The following KCND3 variants were observed in gnomAD, a reference collection of about 807,000 sequenced individuals.
The protein encoded by KCND3 is potassium voltage-gated channel subfamily D member 3.
In KCND3, 9 loss-of-function variants were observed where a neutral mutation model predicts 51.1. The observed-to-expected ratio is 0.18, with a 90% CI of 0.11 to 0.31. The LOEUF is 0.31. KCND3 is among the 10% of genes least tolerant of loss of function. KCND3 has a pLI of 1.00. For synonymous variants in KCND3, 349 were observed against 368.0 expected, an observed-to-expected ratio of 0.95 and a Z score of 0.59; for missense variants, 526 against 903.8, an observed-to-expected ratio of 0.58 and a Z score of 5.36.
chr1:111,793,741 T>C (rs911755334), intron 2 of KCND3, among the ~76,000 whole-genome samples: 1 of 152,140 alleles, frequency 6.6e-6, no homozygotes, highest in East Asian at 1.9e-4. Context: ...ATGGTGATTC[T>C]CTGAGTCCTA....
rs1667156015 is a variant in KCND3, at chr1:111,838,214, T to A, written c.1107-51108A>T. On this transcript the variant is annotated intron_variant, in intron 2 of 7. Coordinates refer to ENST00000302127, the MANE Select transcript of KCND3 (RefSeq NM_001378969.1). ...GGGTGGGACATCTATATAAAATACT[T>A]GGAATTCTTCTAGATGTCTCTACAC... Among the ~76,000 whole-genome samples the A allele has an allele frequency of 2.6e-5, 4 of 152,206 alleles. No homozygotes were observed. In the South Asian group the frequency reaches 6.2e-4, roughly 24 times the overall value.
At chr1:111,923,037 C>T (rs1325877831) in intron 2 of KCND3, among the ~76,000 whole-genome samples, 2 of 152,186 alleles carry the variant, frequency 1.3e-5, no homozygotes, top group Non-Finnish European at 2.9e-5. Flanking sequence ...CCTGGTTCCA[C>T]CCTGTCCTCA....
chr1:111,804,856 C>A (rs904858002), intron 2 of KCND3, among the ~76,000 whole-genome samples: 1 of 152,204 alleles, frequency 6.6e-6, no homozygotes, highest in African/African-American at 2.4e-5. Flanking sequence ...GGTGCCCGGG[C>A]GGTCTGCCTC....
At chr1:111,854,794 G>T (rs944035169) in intron 2 of KCND3, among the ~76,000 whole-genome samples, 1 of 152,196 alleles carries the variant, frequency 6.6e-6, no homozygotes, top group African/African-American at 2.4e-5. Flanking sequence ...GTTACCAAAA[G>T]CACTGCCTGT....
intron 2 of KCND3, among the ~76,000 whole-genome samples, chr1:111,969,328 G>T (rs1674196826): frequency 6.6e-6 from 1 of 152,116 alleles, no homozygotes; most frequent in Non-Finnish European, 1.5e-5. Context: ...TAGGACATTG[G>T]GGGCACATGT....
At chr1:111,784,796 C>G (rs1664538999) in intron 3 of KCND3, among the ~76,000 whole-genome samples, 2 of 151,754 alleles carry the variant, frequency 1.3e-5, no homozygotes, top group Non-Finnish European at 2.9e-5. Context: ...AATATTTACT[C>G]TGATTTCAAG....
intron 2 of KCND3, among the ~76,000 whole-genome samples, chr1:111,797,947 C>A (rs1355345297): frequency 6.6e-6 from 1 of 152,184 alleles, no homozygotes; most frequent in African/African-American, 2.4e-5. Flanking sequence ...GACAGGGAAA[C>A]CAGTTAGCAG....
At chr1:111,915,345 A>T (rs958554713) in intron 2 of KCND3, among the ~76,000 whole-genome samples, 15 of 152,096 alleles carry the variant, frequency 9.9e-5, no homozygotes, top group Middle Eastern at 3.4e-3. Context: ...TTTTTTTTTT[A>T]AAAAGCAAGA....
At chr1:111,820,841 C>T (rs1306622728) in intron 2 of KCND3, among the ~76,000 whole-genome samples, 1 of 152,122 alleles carries the variant, frequency 6.6e-6, no homozygotes, top group Non-Finnish European at 1.5e-5. Flanking sequence ...GGGTGACGGC[C>T]ATGTGAAGAC....
At chr1:111,984,010 A>G (rs942177120) in intron 1 of KCND3, among the ~76,000 whole-genome samples, 1 of 152,240 alleles carries the variant, frequency 6.6e-6, no homozygotes, top group East Asian at 1.9e-4. Context: ...CACGTAACAG[A>G]AATTGGAAAT....
At chr1:111,938,116 A>G (rs904378808) in intron 2 of KCND3, among the ~76,000 whole-genome samples, 2 of 152,194 alleles carry the variant, frequency 1.3e-5, no homozygotes, top group Non-Finnish European at 2.9e-5. Flanking sequence ...AGCCCTCATA[A>G]AAACAGAATC....
intron 2 of KCND3, among the ~76,000 whole-genome samples, chr1:111,908,330 C>T (rs867273380): frequency 3.9e-5 from 6 of 152,306 alleles, no homozygotes; most frequent in East Asian, 3.9e-4. Flanking sequence ...TAACTTGCTT[C>T]AGTTGCACAG....
Position 111,780,748 on chromosome 1 carries a change from G to A in KCND3, c.1313C>T (p.Ser438Leu), listed in dbSNP as rs1172444288. 3.1e-6 allele frequency: 5 copies of A among 1,613,440 alleles called. No homozygotes were observed. The highest frequency in any genetic ancestry group is 3.4e-6 in the Non-Finnish European group (4 of 1,179,844). Reference sequence around the variant, plus strand: ...GCGCTTGCTGTGCAGGTATGCATTCGAACTGCCTGTTTTGGCCACACGGAT... The same window carrying A: ...GCGCTTGCTGTGCAGGTATGCATTCAAACTGCCTGTTTTGGCCACACGGAT... The part of the protein sequence containing the change: ...ARIRVAKTGS[S>L]NAYLHSKRNG... The change falls in exon 4 of 8, where the codon TCG becomes TTG. Residue 438 changes from serine to leucine, a missense_variant. Ser to Leu is a moderately radical substitution (Grantham distance 145). Transcript: ENST00000302127. The surrounding 1 kb of genome is among the most constrained non-coding windows in gnomAD (Gnocchi z 4.2).
intron 2 of KCND3, among the ~76,000 whole-genome samples, chr1:111,888,704 TAAAG>T (rs1669684171): frequency 8.6e-6 from 1 of 116,764 alleles, no homozygotes. Context: ...AAAAAAGAAA[TAAAG>T]AAAACAAAGA....
At chr1:111,874,236 C>T (rs143589978) in intron 2 of KCND3, among the ~76,000 whole-genome samples, 229 of 152,298 alleles carry the variant, frequency 1.5e-3, no homozygotes, top group Middle Eastern at 3.4e-3. Flanking sequence ...TGTGATTTTC[C>T]ACTGTTTTAA....
chr1:111,807,600 T>C (rs1006188564), intron 2 of KCND3, among the ~76,000 whole-genome samples: 54 of 152,282 alleles, frequency 3.5e-4, no homozygotes. Context: ...CACTTGAACC[T>C]GGGAAGCAGA....
At chr1:111,862,360 C>T (rs1263942474) in intron 2 of KCND3, among the ~76,000 whole-genome samples, 2 of 152,256 alleles carry the variant, frequency 1.3e-5, no homozygotes, top group Non-Finnish European at 2.9e-5. Context: ...TTCAATAGAA[C>T]TTTACAAAAA....
intron 2 of KCND3, among the ~76,000 whole-genome samples, chr1:111,804,285 T>C (rs1209369675): frequency 1.3e-5 from 2 of 152,202 alleles, no homozygotes; most frequent in East Asian, 1.9e-4. Flanking sequence ...CAATATTTAG[T>C]TTAATTTAGG....
At chr1:111,868,549 G>C (rs1299189879) in intron 2 of KCND3, among the ~76,000 whole-genome samples, 1 of 152,112 alleles carries the variant, frequency 6.6e-6, no homozygotes, top group African/African-American at 2.4e-5. Flanking sequence ...TATCCCCCAT[G>C]GGCATGGGGG....
Sources: gnomAD v4.1 joint callset for allele counts (sites outside exome capture counted in the v4.1 genomes callset) on GRCh38, gnomAD v4.1.1 for gene constraint, Gnocchi (gnomAD v3.1) non-coding constraint, MANE v1.5 for transcripts, NCBI Gene and HGNC (gene_info 2026-07-23, HGNC 2026-07-21) for gene names.